Variants in UMAD1 observed in about 807,000 individuals in gnomAD.
UMAD1 encodes UBAP1-MVB12-associated (UMA) domain containing 1, also known as UBAP1-MVB12-associated (UMA)-domain containing protein 1.
Under a neutral mutation model 6.1 loss-of-function variants are expected in UMAD1, and 8 were observed. That is an observed-to-expected ratio of 1.30 (90% CI 0.76 to 2.35). UMAD1 has a LOEUF of 2.35. Ranked by LOEUF, UMAD1 falls within the 30% of genes most tolerant of loss-of-function variation. The pLI is 0.00. For synonymous variants in UMAD1, 56 were observed against 31.4 expected (o/e 1.78, Z -2.61); for missense variants, 130 against 78.4 (o/e 1.66, Z -2.49).
intron 2 of UMAD1, among the ~76,000 whole-genome samples, chr7:7,791,331 C>T (rs1432103216): frequency 1.3e-5 from 2 of 152,190 alleles, no homozygotes; most frequent in Non-Finnish European, 2.9e-5. Context: ...CTTTGTAGAG[C>T]TTTCTATTGG....
intron 1 of UMAD1, among the ~76,000 whole-genome samples, chr7:7,668,621 A>G (rs957205152): frequency 6.6e-6 from 1 of 152,220 alleles, no homozygotes; most frequent in African/African-American, 2.4e-5. Context: ...CAGTTTTACC[A>G]TAGGCTAATT....
At chr7:7,645,748 A>T (rs1483894967) in intron 1 of UMAD1, among the ~76,000 whole-genome samples, 3 of 151,834 alleles carry the variant, frequency 2.0e-5, no homozygotes, top group African/African-American at 7.3e-5. Context: ...ACATTCTTGG[A>T]AGCTTGGTTA....
At chr7:7,694,976 G>A (rs1482509139) in intron 2 of UMAD1, among the ~76,000 whole-genome samples, 4 of 152,140 alleles carry the variant, frequency 2.6e-5, no homozygotes, top group Non-Finnish European at 5.9e-5. Flanking sequence ...GTTCTCCATA[G>A]TGGTTGTACT....
In UMAD1 at chr7:7,647,736, G is replaced by A. The variant is rs1785128417; in HGVS notation, c.-64+6915G>A. On this transcript the variant is annotated intron_variant, in intron 1 of 3. Transcript: ENST00000682710. ...CTCAGCTTTCTGAGTAGCTGGGACTGCAGGCACGTGCCATCACACCCAGCT... is the reference window on the plus strand; with the variant it reads ...CTCAGCTTTCTGAGTAGCTGGGACTACAGGCACGTGCCATCACACCCAGCT... 2.6e-5 allele frequency among the ~76,000 whole-genome samples: 4 copies of A among 152,170 alleles called. No homozygotes were observed. In the South Asian group the frequency reaches 8.3e-4, roughly 32 times the overall value.
intron 1 of UMAD1, among the ~76,000 whole-genome samples, chr7:7,661,940 G>A (rs1170128742): frequency 6.6e-6 from 1 of 152,186 alleles, no homozygotes; most frequent in Non-Finnish European, 1.5e-5. Context: ...TCTGTCCCTG[G>A]GAGATGGGAG....
chr7:7,761,796 C>G (rs540390946), intron 2 of UMAD1, among the ~76,000 whole-genome samples: 7 of 152,178 alleles, frequency 4.6e-5, no homozygotes, highest in Non-Finnish European at 8.8e-5. Context: ...AGCTCTCCCC[C>G]CTTGTGACAT....
At chr7:7,796,471 G>A (rs956485180) in intron 2 of UMAD1, among the ~76,000 whole-genome samples, 5 of 151,766 alleles carry the variant, frequency 3.3e-5, no homozygotes, top group Non-Finnish European at 4.4e-5. Context: ...GGCTGGTTTC[G>A]AACTCCCAAC....
chr7:7,855,283 AC>A (rs1783994819), intron 3 of UMAD1, among the ~76,000 whole-genome samples: 1 of 152,136 alleles, frequency 6.6e-6, no homozygotes, highest in Non-Finnish European at 1.5e-5. Context: ...GAGGGCTCCA[AC>A]CCCACATTTC....
chr7:7,720,079 T>G (rs752355584), intron 2 of UMAD1, among the ~76,000 whole-genome samples: 2 of 152,124 alleles, frequency 1.3e-5, no homozygotes, highest in Non-Finnish European at 2.9e-5. Context: ...TGTATGTCAT[T>G]TTTGGAAAAG....
chr7:7,713,845 T>C (rs1311057956), intron 2 of UMAD1, among the ~76,000 whole-genome samples: 3 of 152,176 alleles, frequency 2.0e-5, no homozygotes, highest in Admixed American at 2.0e-4. Context: ...AAAAATTTTT[T>C]CTAGAGGCAG....
At chr7:7,748,364 CAT>C (rs1303090819) in intron 2 of UMAD1, among the ~76,000 whole-genome samples, 1 of 151,910 alleles carries the variant, frequency 6.6e-6, no homozygotes, top group Admixed American at 6.6e-5. Flanking sequence ...TAAATTATAA[CAT>C]ATGAATTCAA....
At chr7:7,778,273 T>TGAGAGAGA (rs1193832166) in intron 2 of UMAD1, among the ~76,000 whole-genome samples, 4 of 94,780 alleles carry the variant, frequency 4.2e-5, no homozygotes, top group African/African-American at 1.1e-4. Context: ...TGTGTGTGTG[T>TGAGAGAGA]GTGAGAGAGA....
chr7:7,742,211 T>C (rs2115207250), intron 2 of UMAD1: 1 of 682,824 alleles, frequency 1.5e-6, no homozygotes, highest in Non-Finnish European at 2.7e-6. Flanking sequence ...ACAGAGCTTC[T>C]TCACAGCCTG....
In UMAD1 at chr7:7,796,244, CTTTTTTTTTTT is replaced by C. The variant is rs59221325; in HGVS notation, c.83-5412_83-5402del. On this transcript the variant is annotated intron_variant, in intron 2 of 3. Transcript: ENST00000682710. ...ACTTTGACCCATTTCTATTTTCTTT[CTTTTTTTTTTT>C]TTTTTTTTTTTTTGAGATGGAGTTT... Among the ~76,000 whole-genome samples the C allele has an allele frequency of 3.5e-3, 224 of 63,966 alleles. 4 individuals are homozygous for C. The highest frequency in any genetic ancestry group is 0.02 in the African/African-American group (207 of 10,254). 42.0% of individuals were successfully genotyped at this position (63,966 alleles called of 152,430 possible). A position where few individuals can be genotyped will look rare whatever the true frequency, so the allele number is the denominator to read the frequency against.
intron 2 of UMAD1, among the ~76,000 whole-genome samples, chr7:7,734,863 A>C (rs547400908): frequency 4.6e-5 from 7 of 152,318 alleles, no homozygotes; most frequent in African/African-American, 1.7e-4. Flanking sequence ...CAAGTGTATT[A>C]ACAATGCTTT....
intron 2 of UMAD1, among the ~76,000 whole-genome samples, chr7:7,707,784 T>G (rs1780643315): frequency 1.3e-5 from 2 of 152,204 alleles, no homozygotes; most frequent in Non-Finnish European, 1.5e-5. Context: ...TGTTCAGAAA[T>G]GTCATTAACT....
At chr7:7,777,929 C>T (rs1025934254) in intron 2 of UMAD1, among the ~76,000 whole-genome samples, 1 of 152,126 alleles carries the variant, frequency 6.6e-6, no homozygotes, top group African/African-American at 2.4e-5. Flanking sequence ...TGTTAGGCTT[C>T]CTTGCCTGCT....
chr7:7,683,338 T>C (rs1583731886), intron 2 of UMAD1, among the ~76,000 whole-genome samples: 1 of 152,004 alleles, frequency 6.6e-6, no homozygotes, highest in Non-Finnish European at 1.5e-5. Flanking sequence ...ATTGATTTTT[T>C]CCCCCCAGAG....
chr7:7,647,516 C>T (rs1000352296), intron 1 of UMAD1, among the ~76,000 whole-genome samples: 2 of 152,144 alleles, frequency 1.3e-5, no homozygotes, highest in African/African-American at 4.8e-5. Context: ...TTTTTGTCTG[C>T]TTAATATCTC....
Sources: gnomAD v4.1 joint callset for allele counts (sites outside exome capture counted in the v4.1 genomes callset) on GRCh38, gnomAD v4.1.1 for gene constraint, MANE v1.5 for transcripts, NCBI Gene and HGNC (gene_info 2026-07-23, HGNC 2026-07-21) for gene names.